Variants in TAF12 observed in about 807,000 individuals in gnomAD.
TAF12 encodes TATA-box binding protein associated factor 12, also known as transcription initiation factor TFIID subunit 12.
TAF12 carries 3 observed loss-of-function variants against 20.8 expected under a neutral mutation model. That is an observed-to-expected ratio of 0.14 (90% CI 0.07 to 0.37). TAF12 has a LOEUF of 0.37. TAF12 is among the 10% of genes least tolerant of loss of function. The pLI is 1.00. For missense variants in TAF12, 131 were observed against 197.9 expected (o/e 0.66, Z 2.03); for synonymous variants, 69 against 70.2 (o/e 0.98, Z 0.09).
intron 1 of TAF12, among the ~76,000 whole-genome samples, 196 bp from the exon 2 acceptor site, chr1:28,622,361 A>AG (rs1667248026): frequency 1.2e-5 from 1 of 80,668 alleles, no homozygotes. Flanking sequence ...CTCTACCAAG[A>AG]AAAAAAAAAA....
At chr1:28,619,649 A>G (rs1263100883) in intron 2 of TAF12, among the ~76,000 whole-genome samples, 4 of 85,660 alleles carry the variant, frequency 4.7e-5, no homozygotes, top group Non-Finnish European at 8.8e-5. Context: ...ATTCCACTGA[A>G]AAAAAAAAAA....
At chr1:28,603,640 C>T (rs1243478773) in intron 5 of TAF12, 66 bp from the exon 6 acceptor site, 3 of 1,559,816 alleles carry the variant, frequency 1.9e-6, no homozygotes, top group Non-Finnish European at 2.7e-6. Flanking sequence ...CTGGAACATT[C>T]TGTGTGGCTA....
In TAF12 at chr1:28,627,402, A is replaced by C. The variant is rs562189371; in HGVS notation, c.-84-5237T>G. Among the ~76,000 whole-genome samples, 51 of 150,534 alleles carry C rather than the reference A, an allele frequency of 3.4e-4. 1 individual carries two copies. The highest frequency in any genetic ancestry group is 1.1e-3 in the African/African-American group (45 of 40,952). On this transcript the variant is annotated intron_variant, in intron 1 of 5. Coordinates refer to ENST00000373824, the MANE Select transcript of TAF12 (RefSeq NM_005644.4). ...GACTCCGTCTCAAAGAAAAAAAAAA[A>C]AAAAAAAGAGGCCGGGCGCGGTGGC...
chr1:28,634,122 C>G (rs1205907246), intron 1 of TAF12, among the ~76,000 whole-genome samples: 2 of 151,704 alleles, frequency 1.3e-5, no homozygotes, highest in Admixed American at 6.6e-5. Context: ...AAAACAAAAA[C>G]AGGCATTAAC....
At chr1:28,607,381 T>C (rs1666700314) in intron 4 of TAF12, among the ~76,000 whole-genome samples, 1 of 151,202 alleles carries the variant, frequency 6.6e-6, no homozygotes, top group African/African-American at 2.4e-5. Context: ...GAAATAAAAA[T>C]ATTAGCTGGG....
At chr1:28,628,587 C>A (rs1667514793) in intron 1 of TAF12, among the ~76,000 whole-genome samples, 1 of 150,478 alleles carries the variant, frequency 6.6e-6, no homozygotes, top group African/African-American at 2.5e-5. Flanking sequence ...TGGTTGCCAA[C>A]CCTGATTATA....
At chr1:28,637,680 C>CT (rs1326752744) in intron 1 of TAF12, among the ~76,000 whole-genome samples, 1 of 151,734 alleles carries the variant, frequency 6.6e-6, no homozygotes, top group Non-Finnish European at 1.5e-5. Flanking sequence ...AAAAGATTTT[C>CT]TTTTTTTTAT....
intron 4 of TAF12, 127 bp from the exon 5 acceptor site, chr1:28,605,587 A>G: frequency 3.6e-6 from 3 of 842,044 alleles, no homozygotes; most frequent in South Asian, 3.4e-5. Flanking sequence ...AAGGGATTCT[A>G]TTACAAATAG....
At chr1:28,624,215 T>C (rs1188122412) in intron 1 of TAF12, among the ~76,000 whole-genome samples, 1 of 152,154 alleles carries the variant, frequency 6.6e-6, no homozygotes, top group East Asian at 1.9e-4. Flanking sequence ...GAAAATTAAT[T>C]AATGATGATT....
chr1:28,644,980 T>C (rs574610504), upstream of TAF12, among the ~76,000 whole-genome samples: 1 of 152,176 alleles, frequency 6.6e-6, no homozygotes, highest in Non-Finnish European at 1.5e-5. Context: ...CACTACAGCC[T>C]CAAACTCCTG....
intron 5 of TAF12, among the ~76,000 whole-genome samples, chr1:28,604,839 T>C (rs1016391434): frequency 6.6e-6 from 1 of 152,188 alleles, no homozygotes; most frequent in Non-Finnish European, 1.5e-5. Flanking sequence ...TGGGGATGAC[T>C]TGCTCCACAG....
intron 1 of TAF12, among the ~76,000 whole-genome samples, chr1:28,635,276 CTTTTTTTTTTTTTT>C (rs1179724707): frequency 9.9e-5 from 10 of 100,636 alleles, no homozygotes; most frequent in Non-Finnish European, 2.1e-4. Flanking sequence ...ATCCTCCCTC[CTTTTTTTTTTTTTT>C]TTTTTTTTTT....
chr1:28,642,036 T>G (rs899677510), intron 1 of TAF12, among the ~76,000 whole-genome samples: 1 of 152,168 alleles, frequency 6.6e-6, no homozygotes, highest in African/African-American at 2.4e-5. Context: ...ATCACTGACA[T>G]TCTTTTATTT....
At chr1:28,628,747 A>T (rs528108134) in intron 1 of TAF12, among the ~76,000 whole-genome samples, 1 of 152,342 alleles carries the variant, frequency 6.6e-6, no homozygotes, top group East Asian at 1.9e-4. Context: ...AGCAAAACAT[A>T]GAATGGGAGA....
chr1:28,643,641 G>T (rs888942842), upstream of TAF12: 2 of 152,240 alleles, frequency 1.3e-5, no homozygotes, highest in Non-Finnish European at 2.9e-5. Context: ...ACCTGTGAGA[G>T]ATTAAGCAAA....
chr1:28,631,045 C>CA (rs903921514), intron 1 of TAF12, among the ~76,000 whole-genome samples: 3,926 of 52,206 alleles, frequency 0.075, 169 homozygotes, highest in Non-Finnish European at 0.1. Flanking sequence ...ACTCCGTCTC[C>CA]AAAAAAAAAA....
At chr1:28,648,158 C>G in intron 1 of TAF12, 1 of 985,380 alleles carries the variant, frequency 1.0e-6, no homozygotes. Flanking sequence ...TACACATTTT[C>G]AATTTGGATA....
At chr1:28,641,436 T>C (rs1004433234) in intron 1 of TAF12, among the ~76,000 whole-genome samples, 6 of 152,032 alleles carry the variant, frequency 3.9e-5, no homozygotes, top group Non-Finnish European at 5.9e-5. Flanking sequence ...TGAGCCGAGA[T>C]CGTGCCACTG....
chr1:28,612,276 C>A (rs1666884481), intron 4 of TAF12, among the ~76,000 whole-genome samples: 1 of 151,612 alleles, frequency 6.6e-6, no homozygotes, highest in Non-Finnish European at 1.5e-5. Context: ...ATGATGAAAC[C>A]CTATCTCTAC....
Sources: allele counts gnomAD v4.1 joint callset (sites outside exome capture counted in the v4.1 genomes callset), GRCh38; gene constraint gnomAD v4.1.1; transcripts MANE v1.5; gene names NCBI Gene and HGNC (gene_info 2026-07-23, HGNC 2026-07-21).